KAT6A: variants seen among roughly 807,000 people sequenced by gnomAD.
KAT6A encodes lysine acetyltransferase 6A, also known as histone acetyltransferase KAT6A.
In KAT6A, 9 loss-of-function variants were observed where a neutral mutation model predicts 198.4. The ratio of observed to expected loss-of-function variants is 0.05; its 90% confidence interval spans 0.03 to 0.08. KAT6A has a LOEUF of 0.08. Among genes scored for constraint, KAT6A ranks in the 10% least tolerant of loss-of-function variants. The pLI, the probability that KAT6A is intolerant of heterozygous loss-of-function variation, is 1.00. For synonymous variants in KAT6A, 890 were observed against 883.0 expected, an observed-to-expected ratio of 1.01 and a Z score of -0.14; for missense variants, 2,077 against 2,509.9, an observed-to-expected ratio of 0.83 and a Z score of 3.69.
At chr8:42,034,486 G>A (rs1362787663) in intron 2 of KAT6A, among the ~76,000 whole-genome samples, 3 of 152,120 alleles carry the variant, frequency 2.0e-5, no homozygotes, top group East Asian at 1.9e-4. Context: ...ATACTATATC[G>A]CAGAATTTGG....
At chr8:41,965,591 T>C (rs747482731) in intron 8 of KAT6A, among the ~76,000 whole-genome samples, 6 of 152,200 alleles carry the variant, frequency 3.9e-5, no homozygotes, top group African/African-American at 7.2e-5. Flanking sequence ...GAAGTCATCT[T>C]TGATCATCTC....
At position 41,980,789 on chromosome 8, in the gene KAT6A, G is replaced by A. The variant is rs976393669; in HGVS notation, c.907+57C>T. 12 of 1,133,058 alleles carry A rather than the reference G, an allele frequency of 1.1e-5. No individual in the cohort carries two copies. The African/African-American group carries it at 1.2e-4, about 12-fold the overall frequency. 70.2% of individuals were successfully genotyped at this position (1,133,058 alleles called of 1,614,324 possible). A position where few individuals can be genotyped will look rare whatever the true frequency, so the allele number is the denominator to read the frequency against. On this transcript the variant is annotated intron_variant, in intron 5 of 16. Coordinates refer to ENST00000265713, the MANE Select transcript of KAT6A (RefSeq NM_006766.5). ...TCATTTAACAAAGTAGATAAAATGT[G>A]CTTTCACTAACATCCTCCTTTATAT... is the stretch of plus-strand genomic sequence containing the variant.
intron 15 of KAT6A, among the ~76,000 whole-genome samples, chr8:41,940,265 G>A (rs1339198077): frequency 6.6e-6 from 1 of 152,188 alleles, no homozygotes; most frequent in East Asian, 1.9e-4. Flanking sequence ...CTATCATTAT[G>A]ATGGAATATA....
intron 7 of KAT6A, among the ~76,000 whole-genome samples, chr8:41,976,682 G>T (rs543315038): frequency 6.6e-6 from 1 of 152,016 alleles, no homozygotes; most frequent in African/African-American, 2.4e-5. Flanking sequence ...TTCACCATAT[G>T]ATTTCTTTAG....
chr8:41,956,953 G>A (rs1822949503), intron 8 of KAT6A: 3 of 464,988 alleles, frequency 6.5e-6, no homozygotes, highest in Non-Finnish European at 1.3e-5. Flanking sequence ...AATAACAACA[G>A]TATAGGAAAC....
rs181342903 is a variant in KAT6A at position 42,002,726 on chromosome 8, T to C, written c.601-15163A>G. ...CATCTTTCTTAAGGCTATATAACACTTCACTAAATGCTATAAGGTAATTTG... is the reference window on the plus strand; with the variant it reads ...CATCTTTCTTAAGGCTATATAACACCTCACTAAATGCTATAAGGTAATTTG... On this transcript the variant is annotated intron_variant, in intron 2 of 16. Coordinates refer to ENST00000265713, the MANE Select transcript of KAT6A (RefSeq NM_006766.5). Among the ~76,000 whole-genome samples the C allele has an allele frequency of 3.8e-4, 58 of 152,300 alleles. 2 individuals are homozygous for C. The South Asian group carries it at 0.011, about 30-fold the overall frequency.
At chr8:41,966,665 G>C (rs1823508328) in intron 8 of KAT6A, among the ~76,000 whole-genome samples, 1 of 152,056 alleles carries the variant, frequency 6.6e-6, no homozygotes, top group Admixed American at 6.5e-5. Context: ...AGTATACTGT[G>C]AACATCTGAG....
At chr8:41,950,763 G>A (rs1822627627) in intron 9 of KAT6A, among the ~76,000 whole-genome samples, 1 of 152,106 alleles carries the variant, frequency 6.6e-6, no homozygotes, top group African/African-American at 2.4e-5. Context: ...TTAGGTCTCA[G>A]CACAGAGACA....
At chr8:41,939,292 A>C (rs1821992572) in intron 15 of KAT6A, among the ~76,000 whole-genome samples, 2 of 152,196 alleles carry the variant, frequency 1.3e-5, no homozygotes, top group Non-Finnish European at 2.9e-5. Context: ...CCTGACAAAC[A>C]ATATCTTAAG....
chr8:42,041,053 G>A (rs369290231), intron 2 of KAT6A, among the ~76,000 whole-genome samples: 8 of 151,994 alleles, frequency 5.3e-5, no homozygotes, highest in South Asian at 2.1e-4. Context: ...AAATTAGCCA[G>A]GCATGGTGGC....
At chr8:42,004,400 T>C (rs1263337110) in intron 2 of KAT6A, among the ~76,000 whole-genome samples, 1 of 152,146 alleles carries the variant, frequency 6.6e-6, no homozygotes, top group Non-Finnish European at 1.5e-5. Flanking sequence ...AAGCCCTTTT[T>C]TTAGACATGG....
At chr8:41,963,958 C>T (rs552063710) in intron 8 of KAT6A, among the ~76,000 whole-genome samples, 1 of 152,240 alleles carries the variant, frequency 6.6e-6, no homozygotes, top group African/African-American at 2.4e-5. Flanking sequence ...CAATAGTAAA[C>T]TTACTCATCC....
Position 41,937,451 on chromosome 8 carries a change from C to A in KAT6A, c.3157G>T (p.Asp1053Tyr). 1.9e-6 allele frequency: 3 copies of A among 1,614,152 alleles called. No homozygotes were observed. Among genetic ancestry groups the A allele is most frequent in the Non-Finnish European group, 2.5e-6 (3 of 1,180,006 alleles). The change falls in exon 16 of 17, where the codon GAC (aspartate) becomes TAC (tyrosine). Residue 1053 changes from aspartate to tyrosine, a missense_variant. This residue lies in a region of KAT6A where 375 missense variants were observed against 383.0 expected (regional missense o/e 0.98). Transcript: ENST00000265713. The part of the protein sequence containing the change: ...EVLDEPFEDS[D>Y]SERPMPRLEP... Reference sequence around the variant, plus strand: ...AATCTTGGCATTGGCCTCTCGGAGTCAGAATCTTCAAAAGGTTCATCTAAC... The same window carrying A: ...AATCTTGGCATTGGCCTCTCGGAGTAAGAATCTTCAAAAGGTTCATCTAAC...
chr8:41,970,159 G>T (rs987099971), intron 8 of KAT6A, among the ~76,000 whole-genome samples: 3 of 152,080 alleles, frequency 2.0e-5, no homozygotes, highest in African/African-American at 7.2e-5. Context: ...CTTTTTGTTT[G>T]CCCTATAGTT....
chr8:41,971,344 G>C (rs1486255092), intron 8 of KAT6A, among the ~76,000 whole-genome samples: 3 of 152,166 alleles, frequency 2.0e-5, no homozygotes, highest in African/African-American at 7.2e-5. Flanking sequence ...TCAGGGGATA[G>C]AGTGACACAA....
chr8:41,943,035 T>G (rs1162747284), intron 13 of KAT6A, 35 bp from the exon 14 acceptor site: 7 of 1,610,980 alleles, frequency 4.3e-6, no homozygotes, highest in African/African-American at 2.7e-5. Flanking sequence ...CAATCAACAA[T>G]GTACAAGGTG....
chr8:41,967,943 C>G (rs1338853263), intron 8 of KAT6A, among the ~76,000 whole-genome samples: 2 of 151,990 alleles, frequency 1.3e-5, no homozygotes, highest in African/African-American at 4.8e-5. Context: ...GAAACTGGAT[C>G]CCTTCCTTAC....
At chr8:41,996,687 C>G (rs1825225758) in intron 2 of KAT6A, among the ~76,000 whole-genome samples, 1 of 152,160 alleles carries the variant, frequency 6.6e-6, no homozygotes, top group Non-Finnish European at 1.5e-5. Context: ...CTGTCTTCTG[C>G]CCTTATGCCA....
chr8:41,977,205 C>A lies in KAT6A; in HGVS notation c.1166G>T (p.Gly389Val). The change falls in exon 7 of 17, where the codon GGC (glycine) becomes GTC (valine). Residue 389 changes from glycine to valine, a missense_variant. Coordinates refer to ENST00000265713, the MANE Select transcript of KAT6A (RefSeq NM_006766.5). ...ATTGCTATCTCTGCAGAAGTCCAAG[C>A]CATCTATCCGCTCTAAATATCCTTC... ...SEEGYLERID[G>V]LDFCRDSNVS... 1 of 1,614,166 alleles carries A rather than the reference C, an allele frequency of 6.2e-7. No individual in the cohort carries two copies. The highest frequency in any genetic ancestry group is 8.5e-7 in the Non-Finnish European group (1 of 1,180,000).
Sources: allele counts gnomAD v4.1 joint callset (sites outside exome capture counted in the v4.1 genomes callset), GRCh38; gene constraint gnomAD v4.1.1; regional missense constraint gnomAD v4.1.1; transcripts MANE v1.5; gene names NCBI Gene and HGNC (gene_info 2026-07-23, HGNC 2026-07-21).